The following PCBP3 variants were observed in gnomAD, a reference collection of about 807,000 sequenced individuals.
PCBP3 encodes the protein poly(rC) binding protein 3.
PCBP3 carries 25 observed loss-of-function variants against 52.7 expected under a neutral mutation model. The observed-to-expected ratio is 0.47, with a 90% CI of 0.35 to 0.66. The LOEUF (loss-of-function observed/expected upper bound fraction) is 0.66, where lower values mean the gene tolerates loss of function less well. Ranked by LOEUF, PCBP3 falls within the 30% of genes least tolerant of loss-of-function variation. The pLI, the probability that PCBP3 is intolerant of heterozygous loss-of-function variation, is 0.01. For synonymous variants in PCBP3, 162 were observed against 183.0 expected (o/e 0.89, Z 0.93); for missense variants, 391 against 490.3 (o/e 0.80, Z 1.91).
chr21:45,676,908 A>G (rs1018227604), intron 2 of PCBP3, among the ~76,000 whole-genome samples: 7 of 151,906 alleles, frequency 4.6e-5, no homozygotes, highest in Non-Finnish European at 1.0e-4. Context: ...AGTAGCTGGG[A>G]TTACAGATGC....
chr21:45,777,735 G>GATACA (rs2090354905), intron 4 of PCBP3, among the ~76,000 whole-genome samples: 1 of 151,538 alleles, frequency 6.6e-6, no homozygotes, highest in Admixed American at 6.6e-5. Flanking sequence ...CTCCTTCAAT[G>GATACA]AATCTTCAGT....
At position 45,754,360 on chromosome 21, in the gene PCBP3, G is replaced by T. The variant is rs549829745; in HGVS notation, c.-161-1057G>T. Among the ~76,000 whole-genome samples, 15 of 152,274 alleles carry T rather than the reference G, an allele frequency of 9.9e-5. No individual in the cohort carries two copies. In the South Asian group the frequency reaches 1.9e-3, roughly 19 times the overall value. On this transcript the variant is annotated intron_variant, in intron 3 of 17. Coordinates refer to ENST00000681687, the MANE Select transcript of PCBP3 (RefSeq NM_001384156.1). ...AATCTAAGGTATTGACGTATTTGTT[G>T]TATCTTTGCCAGTACAGTTTTTTTG...
chr21:45,649,651 T>C (rs1202960189), intron 1 of PCBP3, among the ~76,000 whole-genome samples: 1 of 152,208 alleles, frequency 6.6e-6, no homozygotes, highest in Non-Finnish European at 1.5e-5. Flanking sequence ...CCCTAGTTCT[T>C]AAATCTTTTA....
At chr21:45,923,840 G>T (rs1256012832) in intron 13 of PCBP3, among the ~76,000 whole-genome samples, 1 of 147,230 alleles carries the variant, frequency 6.8e-6, no homozygotes, top group African/African-American at 2.5e-5. Flanking sequence ...CGAACACCGG[G>T]AACAGTCGAG....
At chr21:45,743,892 T>A (rs2086632648) in intron 3 of PCBP3, among the ~76,000 whole-genome samples, 1 of 152,162 alleles carries the variant, frequency 6.6e-6, no homozygotes, top group South Asian at 2.1e-4. Context: ...TGTTTAGAAA[T>A]GCAAATGTTA....
chr21:45,738,419 T>G (rs540312184), intron 3 of PCBP3, among the ~76,000 whole-genome samples: 54 of 152,148 alleles, frequency 3.5e-4, no homozygotes, highest in African/African-American at 1.3e-3. Context: ...CACGCCCAGC[T>G]AATTTTTTGT....
chr21:45,933,550 A>C lies in PCBP3; in HGVS notation c.857-1703A>C, dbSNP rs1337914207. ...CAGGACCAAGGAAATCTTTTCAGTG[A>C]CATTTTAAATATCACTGTTTATGGA... On this transcript the variant is annotated intron_variant, in intron 15 of 17. Transcript: ENST00000681687. 2.6e-5 allele frequency among the ~76,000 whole-genome samples: 4 copies of C among 152,240 alleles called. No individual in the cohort carries two copies. The East Asian group carries it at 7.7e-4, about 29-fold the overall frequency.
At chr21:45,657,135 G>A (rs936200213) in intron 1 of PCBP3, among the ~76,000 whole-genome samples, 1 of 152,090 alleles carries the variant, frequency 6.6e-6, no homozygotes, top group African/African-American at 2.4e-5. Flanking sequence ...TTTCTTGATA[G>A]TATCCTTTGA....
intron 4 of PCBP3, among the ~76,000 whole-genome samples, chr21:45,776,471 TC>T (rs2090266212): frequency 2.1e-5 from 2 of 95,824 alleles, no homozygotes; most frequent in African/African-American, 3.6e-5. Context: ...AGTCTCTCTT[TC>T]TCTCTCTCTC....
At chr21:45,685,884 A>C (rs572907042) in intron 2 of PCBP3, among the ~76,000 whole-genome samples, 1 of 151,748 alleles carries the variant, frequency 6.6e-6, no homozygotes, top group African/African-American at 2.4e-5. Flanking sequence ...CAAAAACAAA[A>C]CAAAACAAAA....
chr21:45,903,197 A>G (rs915388514), intron 9 of PCBP3, among the ~76,000 whole-genome samples: 1 of 152,090 alleles, frequency 6.6e-6, no homozygotes, highest in Non-Finnish European at 1.5e-5. Flanking sequence ...GTTGCTCAGG[A>G]CAAGAGGTTG....
chr21:45,834,958 T>A (rs2093546898), intron 4 of PCBP3, among the ~76,000 whole-genome samples: 2 of 152,232 alleles, frequency 1.3e-5, no homozygotes, highest in Admixed American at 6.5e-5. Flanking sequence ...AATGTCACTC[T>A]GCGCGGTGTC....
chr21:45,686,049 G>A (rs2082135206), intron 2 of PCBP3, among the ~76,000 whole-genome samples: 1 of 151,646 alleles, frequency 6.6e-6, no homozygotes, highest in Admixed American at 6.6e-5. Flanking sequence ...CTCCTGAGTA[G>A]CTGGGATTAC....
At chr21:45,813,247 G>A (rs754157891) in intron 4 of PCBP3, among the ~76,000 whole-genome samples, 2 of 152,120 alleles carry the variant, frequency 1.3e-5, no homozygotes, top group South Asian at 2.1e-4. Flanking sequence ...TTTGAATAGC[G>A]TCTGTTGATC....
intron 4 of PCBP3, among the ~76,000 whole-genome samples, chr21:45,780,670 C>T (rs2090570615): frequency 6.6e-6 from 1 of 152,010 alleles, no homozygotes; most frequent in South Asian, 2.1e-4. Flanking sequence ...CACAGCAGAG[C>T]ATGAAGCAAT....
chr21:45,742,857 G>C (rs2086554904), intron 3 of PCBP3, among the ~76,000 whole-genome samples: 1 of 152,082 alleles, frequency 6.6e-6, no homozygotes, highest in South Asian at 2.1e-4. Context: ...TTCCATATCT[G>C]ATAAAGGTAA....
At chr21:45,838,731 A>G (rs1272171210) in intron 4 of PCBP3, among the ~76,000 whole-genome samples, 1 of 152,204 alleles carries the variant, frequency 6.6e-6, no homozygotes, top group Admixed American at 6.5e-5. Context: ...CTAAATTTAG[A>G]GCAATATATT....
At chr21:45,898,827 G>A (rs867449384) in intron 6 of PCBP3, among the ~76,000 whole-genome samples, 3 of 109,770 alleles carry the variant, frequency 2.7e-5, no homozygotes, top group African/African-American at 8.2e-5. Context: ...GGGCCCCTCT[G>A]CACGCCGTCC....
chr21:45,798,528 G>C (rs1388778308), intron 4 of PCBP3, among the ~76,000 whole-genome samples: 3 of 150,098 alleles, frequency 2.0e-5, no homozygotes, highest in Admixed American at 2.0e-4. Context: ...CATAGAGAGA[G>C]TGAATGGATG....
Sources: gnomAD v4.1 joint callset for allele counts (sites outside exome capture counted in the v4.1 genomes callset) on GRCh38, gnomAD v4.1.1 for gene constraint, MANE v1.5 for transcripts, NCBI Gene and HGNC (gene_info 2026-07-23, HGNC 2026-07-21) for gene names.